HIVEP3: variants seen among roughly 807,000 people sequenced by gnomAD.
The protein encoded by HIVEP3 is HIVEP zinc finger 3, also known as transcription factor HIVEP3.
HIVEP3 carries 49 observed loss-of-function variants against 152.8 expected under a neutral mutation model. The ratio of observed to expected loss-of-function variants is 0.32; its 90% CI spans 0.26 to 0.41. The LOEUF (loss-of-function observed/expected upper bound fraction) is 0.41. Ranked by LOEUF, HIVEP3 falls within the 10% of genes least tolerant of loss-of-function variation. The pLI, the probability that HIVEP3 is intolerant of heterozygous loss-of-function variation, is 1.00. For missense variants in HIVEP3, 2,790 were observed against 3,103.3 expected, an observed-to-expected ratio of 0.90 and a Z score of 2.40; for synonymous variants, 1,269 against 1,289.0, an observed-to-expected ratio of 0.98 and a Z score of 0.33.
intron 5 of HIVEP3, among the ~76,000 whole-genome samples, chr1:41,563,479 G>A (rs2149090959): frequency 6.6e-6 from 1 of 152,208 alleles, no homozygotes; most frequent in South Asian, 2.1e-4. Flanking sequence ...CAGAACATGG[G>A]AAGCAGACCC....
chr1:41,859,301 T>C (rs1643854959), intron 1 of HIVEP3, among the ~76,000 whole-genome samples: 1 of 152,178 alleles, frequency 6.6e-6, no homozygotes, highest in Non-Finnish European at 1.5e-5. Context: ...ATTTGGTAAA[T>C]GAATGGGTTT....
intron 1 of HIVEP3, among the ~76,000 whole-genome samples, chr1:41,725,090 C>G (rs1646733109): frequency 6.6e-6 from 1 of 152,204 alleles, no homozygotes; most frequent in Admixed American, 6.5e-5. Flanking sequence ...CAGAGTCATA[C>G]AGCAAGTGAA....
chr1:41,917,180 G>A (rs1274727089), intron 1 of HIVEP3, among the ~76,000 whole-genome samples: 1 of 152,174 alleles, frequency 6.6e-6, no homozygotes, highest in Non-Finnish European at 1.5e-5. Context: ...GGAGAGCCAG[G>A]AGATGGTGGG....
intron 1 of HIVEP3, among the ~76,000 whole-genome samples, chr1:41,842,340 A>G (rs607895): frequency 0.62 from 94,605 of 151,914 alleles, 30,895 homozygotes; most frequent in African/African-American, 0.81. Flanking sequence ...CCCCATTGGC[A>G]CTAAAAACAG....
At chr1:41,574,041 T>C (rs1157397099) in intron 5 of HIVEP3, among the ~76,000 whole-genome samples, 1 of 152,118 alleles carries the variant, frequency 6.6e-6, no homozygotes, top group Non-Finnish European at 1.5e-5. Flanking sequence ...TCAGGCTTCC[T>C]GAGGTCTCAG....
chr1:41,570,403 T>A (rs554190355), intron 5 of HIVEP3, among the ~76,000 whole-genome samples: 2 of 152,310 alleles, frequency 1.3e-5, no homozygotes, highest in South Asian at 4.1e-4. Flanking sequence ...CTGGTGACAG[T>A]GCATGAGTTC....
At position 41,547,791 on chromosome 1, in the gene HIVEP3, A is replaced by G. The variant is rs1467119514; in HGVS notation, c.5208-22881T>C. Among the ~76,000 whole-genome samples the G allele has an allele frequency of 2.0e-5, 3 of 152,188 alleles. No individual in the cohort carries two copies. In the East Asian group the frequency reaches 5.8e-4, roughly 29 times the overall value. ...TCCCCTCACAAAAGTGAGATGAGTG[A>G]TGTGGCCTCTTCCATTTGATGGAAA... On this transcript the variant is annotated intron_variant, in intron 5 of 8. Transcript: ENST00000372583.
chr1:41,658,577 C>G (rs868805397), intron 2 of HIVEP3, among the ~76,000 whole-genome samples: 8 of 152,256 alleles, frequency 5.3e-5, no homozygotes, highest in Non-Finnish European at 7.4e-5. Flanking sequence ...CTCACTTCAC[C>G]CCCCCCATGA....
intron 3 of HIVEP3, among the ~76,000 whole-genome samples, chr1:41,597,010 ACTGT>A (rs1399290520): frequency 6.6e-6 from 1 of 151,998 alleles, no homozygotes; most frequent in African/African-American, 2.4e-5. Context: ...TGGATTTTTC[ACTGT>A]CTGGGAGGCT....
intron 4 of HIVEP3, among the ~76,000 whole-genome samples, chr1:41,579,332 C>T (rs1002871212): frequency 6.6e-6 from 1 of 152,168 alleles, no homozygotes; most frequent in Non-Finnish European, 1.5e-5. Context: ...AAAAGACTAA[C>T]AAGACAAGGG....
chr1:41,731,901 A>C (rs981990353), intron 1 of HIVEP3, among the ~76,000 whole-genome samples: 5 of 152,260 alleles, frequency 3.3e-5, no homozygotes, highest in African/African-American at 9.6e-5. Context: ...TACCACATGC[A>C]ATAGATAACA....
chr1:41,864,666 A>T (rs914626381), intron 1 of HIVEP3: 1 of 152,268 alleles, frequency 6.6e-6, no homozygotes, highest in Non-Finnish European at 1.5e-5. Flanking sequence ...GATGGAAAGG[A>T]ATTCACAGAT....
At chr1:41,708,286 T>C (rs1646463964) in intron 1 of HIVEP3, among the ~76,000 whole-genome samples, 1 of 152,146 alleles carries the variant, frequency 6.6e-6, no homozygotes, top group African/African-American at 2.4e-5. Context: ...TGTCTCTGGG[T>C]CAAGCATCAT....
At chr1:42,002,840 C>A (rs1193843177) in intron 1 of HIVEP3, among the ~76,000 whole-genome samples, 1 of 148,058 alleles carries the variant, frequency 6.8e-6, no homozygotes, top group Non-Finnish European at 1.5e-5. Flanking sequence ...TGAGAGGTGT[C>A]CCCTTTCCAC....
chr1:41,677,161 AC>A (rs1570290299), intron 2 of HIVEP3, among the ~76,000 whole-genome samples: 1 of 152,228 alleles, frequency 6.6e-6, no homozygotes, highest in East Asian at 1.9e-4. Context: ...ATAAAATGAG[AC>A]AATGAGACAA....
intron 1 of HIVEP3, among the ~76,000 whole-genome samples, chr1:41,772,864 C>T (rs1002772790): frequency 6.6e-6 from 1 of 152,102 alleles, no homozygotes; most frequent in African/African-American, 2.4e-5. Flanking sequence ...CGAGATAGTG[C>T]CACTGCACTC....
At chr1:41,986,796 A>G (rs1645326495) in intron 1 of HIVEP3, among the ~76,000 whole-genome samples, 1 of 152,186 alleles carries the variant, frequency 6.6e-6, no homozygotes, top group South Asian at 2.1e-4. Flanking sequence ...TTCATAAACT[A>G]TTAAGATACT....
At chr1:41,525,192 G>A (rs943965412) in intron 5 of HIVEP3, among the ~76,000 whole-genome samples, 9 of 152,236 alleles carry the variant, frequency 5.9e-5, no homozygotes, top group Non-Finnish European at 1.2e-4. Context: ...TGGAGCTGCA[G>A]GGTGCCAGAC....
intron 1 of HIVEP3, among the ~76,000 whole-genome samples, chr1:41,899,859 G>A (rs1644592661): frequency 6.6e-6 from 1 of 152,130 alleles, no homozygotes; most frequent in Non-Finnish European, 1.5e-5. Flanking sequence ...CCTGTAAGTA[G>A]TAGGTCTAGA....
Sources: gnomAD v4.1 joint callset for allele counts (sites outside exome capture counted in the v4.1 genomes callset) on GRCh38, gnomAD v4.1.1 for gene constraint, MANE v1.5 for transcripts, NCBI Gene and HGNC (gene_info 2026-07-23, HGNC 2026-07-21) for gene names.